BAZ2B: variants seen among roughly 807,000 people sequenced by gnomAD.
BAZ2B encodes the protein bromodomain adjacent to zinc finger domain 2B.
BAZ2B carries 91 observed loss-of-function variants against 246.0 expected under a neutral mutation model. The ratio of observed to expected loss-of-function variants is 0.37; its 90% CI spans 0.31 to 0.44. BAZ2B has a LOEUF of 0.44. Among genes scored for constraint, BAZ2B ranks in the 20% least tolerant of loss-of-function variants. The pLI, the probability that BAZ2B is intolerant of heterozygous loss-of-function variation, is 1.00. For synonymous variants in BAZ2B, 855 were observed against 860.0 expected (o/e 0.99, Z 0.10); for missense variants, 2,332 against 2,533.7 (o/e 0.92, Z 1.71).
At chr2:159,323,457 T>C (rs997149896) in intron 36 of BAZ2B, among the ~76,000 whole-genome samples, 1 of 152,144 alleles carries the variant, frequency 6.6e-6, no homozygotes, top group Non-Finnish European at 1.5e-5. Flanking sequence ...TTCTTGGCCA[T>C]GTTAGTTATA....
At chr2:159,508,677 C>T (rs1426133940) in intron 2 of BAZ2B, among the ~76,000 whole-genome samples, 1 of 152,096 alleles carries the variant, frequency 6.6e-6, no homozygotes, top group Admixed American at 6.6e-5. Flanking sequence ...TTCAATCTCC[C>T]TATGCATTAC....
the BAZ2B span, among the ~76,000 whole-genome samples, chr2:159,668,866 G>A: frequency 6.6e-6 from 1 of 152,050 alleles, no homozygotes; most frequent in African/African-American, 2.4e-5. Flanking sequence ...AGACCAGCCT[G>A]GGCAACATGG....
chr2:159,334,451 T>C (rs1242008336), intron 33 of BAZ2B, among the ~76,000 whole-genome samples: 2 of 152,188 alleles, frequency 1.3e-5, no homozygotes, highest in African/African-American at 4.8e-5. Flanking sequence ...ACCTTGGTCT[T>C]TGTCCAAAAG....
At chr2:159,365,972 G>A (rs2060178220) in intron 27 of BAZ2B, among the ~76,000 whole-genome samples, 1 of 152,202 alleles carries the variant, frequency 6.6e-6, no homozygotes, top group South Asian at 2.1e-4. Context: ...CTATCACAAT[G>A]TGGGATTTGT....
intron 3 of BAZ2B, among the ~76,000 whole-genome samples, chr2:159,471,949 G>C (rs2077854988): frequency 6.6e-6 from 1 of 152,050 alleles, no homozygotes. Flanking sequence ...GTTGAAATGG[G>C]AATAAAGTTC....
At chr2:159,383,718 T>C (rs755650959) in intron 23 of BAZ2B, 38 bp from the exon 24 acceptor site, 2 of 1,544,314 alleles carry the variant, frequency 1.3e-6, no homozygotes, top group Non-Finnish European at 8.9e-7. Context: ...TGTAAATTAA[T>C]CAATTTATGC....
chr2:159,448,110 T>C, intron 5 of BAZ2B, 132 bp downstream of exon 5: 1 of 1,028,378 alleles, frequency 9.7e-7, no homozygotes, highest in Non-Finnish European at 1.4e-6. Flanking sequence ...GGCAAAAGAG[T>C]GAGACCTTGT....
At chr2:159,612,726 C>T (rs932400177) in intron 1 of BAZ2B, among the ~76,000 whole-genome samples, 2 of 152,096 alleles carry the variant, frequency 1.3e-5, no homozygotes, top group African/African-American at 4.8e-5. Context: ...AATTCAATGA[C>T]ACCACTAATG....
intron 25 of BAZ2B, among the ~76,000 whole-genome samples, chr2:159,377,776 C>CA (rs1287548323): frequency 7.0e-6 from 1 of 142,108 alleles, no homozygotes; most frequent in African/African-American, 2.7e-5. Context: ...GGTGCCCCTG[C>CA]ACTCCAGCCT....
At chr2:159,334,725 G>A (rs890896854) in intron 33 of BAZ2B, among the ~76,000 whole-genome samples, 4 of 152,078 alleles carry the variant, frequency 2.6e-5, no homozygotes, top group Non-Finnish European at 4.4e-5. Context: ...TTGCAAAAAT[G>A]GAAATAAAGC....
chr2:159,709,413 C>T, the BAZ2B span, among the ~76,000 whole-genome samples: 4 of 152,160 alleles, frequency 2.6e-5, no homozygotes, highest in Non-Finnish European at 5.9e-5. Flanking sequence ...CTATAGTTAA[C>T]ATCATATTGC....
intron 1 of BAZ2B, among the ~76,000 whole-genome samples, chr2:159,572,267 T>G (rs1684215712): frequency 6.6e-6 from 1 of 152,214 alleles, no homozygotes; most frequent in Non-Finnish European, 1.5e-5. Flanking sequence ...CTGAGCTCAA[T>G]GAGTCTCTAG....
intron 10 of BAZ2B, 91 bp from the exon 11 acceptor site, chr2:159,429,351 T>C (rs2070646291): frequency 2.8e-6 from 2 of 715,592 alleles, no homozygotes; most frequent in Non-Finnish European, 4.3e-6. Flanking sequence ...AAAAAGTATA[T>C]GTTAATAACT....
chr2:159,372,009 G>A (rs1385918969), intron 27 of BAZ2B, among the ~76,000 whole-genome samples: 1 of 152,096 alleles, frequency 6.6e-6, no homozygotes, highest in Non-Finnish European at 1.5e-5. Context: ...GTTAGATATT[G>A]AGATTCTGCA....
At chr2:159,686,309 CA>C in the BAZ2B span, among the ~76,000 whole-genome samples, 1 of 152,102 alleles carries the variant, frequency 6.6e-6, no homozygotes, top group Admixed American at 6.5e-5. Context: ...ACTAAGATAT[CA>C]AGGTTTACCT....
At chr2:159,445,235 A>G (rs1040197271) in intron 6 of BAZ2B, among the ~76,000 whole-genome samples, 1 of 152,210 alleles carries the variant, frequency 6.6e-6, no homozygotes, top group African/African-American at 2.4e-5. Flanking sequence ...CTCAGGAGGA[A>G]GAAATCGCAT....
intron 1 of BAZ2B, among the ~76,000 whole-genome samples, chr2:159,560,481 C>T (rs146032516): frequency 1.8e-3 from 278 of 152,102 alleles, no homozygotes; most frequent in African/African-American, 6.5e-3. Flanking sequence ...GATTATGGAC[C>T]ATGGACATGG....
rs550082280 is a variant in BAZ2B, at chr2:159,609,747, A to T, written c.-46+6495T>A. On this transcript the variant is annotated intron_variant, in intron 1 of 36. Transcript: ENST00000392783. ...TGAACCTGTTCTGTGTTGCAAACAC[A>T]GCTAAAATAAAGAGCTTCTGTAGCA... 1.2e-4 allele frequency among the ~76,000 whole-genome samples: 19 copies of T among 152,214 alleles called. No individual in the cohort carries two copies. The South Asian group carries it at 3.7e-3, about 30-fold the overall frequency.
In BAZ2B at chr2:159,446,995, A is replaced by G; in HGVS notation, c.503-20T>C. On this transcript the variant is annotated intron_variant, in intron 5 of 36. Transcript: ENST00000392783. ...TTACACCTTGAAAATAAAAATAAAC[A>G]TGTTTATACAATGGAATATTATTGC... 1 of 1,485,714 alleles carries G rather than the reference A, an allele frequency of 6.7e-7. No homozygotes were observed. Among genetic ancestry groups the G allele is most frequent in the Non-Finnish European group, 9.1e-7 (1 of 1,104,206 alleles). The allele number at this position is 1,485,714 out of a possible 1,614,324, so 92.0% of individuals were successfully genotyped here. A position where few individuals can be genotyped will look rare whatever the true frequency, so the allele number is the denominator to read the frequency against.
Sources: gnomAD v4.1 joint callset for allele counts (sites outside exome capture counted in the v4.1 genomes callset) on GRCh38, gnomAD v4.1.1 for gene constraint, MANE v1.5 for transcripts, NCBI Gene and HGNC (gene_info 2026-07-23, HGNC 2026-07-21) for gene names.